PDE4D: variants seen among roughly 807,000 people sequenced by gnomAD.
PDE4D encodes the protein 3',5'-cyclic-AMP phosphodiesterase 4D.
PDE4D carries 24 observed loss-of-function variants against 87.4 expected under a neutral mutation model. That is an observed-to-expected ratio of 0.27 (90% CI 0.20 to 0.39). The LOEUF is 0.39. Ranked by LOEUF, PDE4D falls within the 10% of genes least tolerant of loss-of-function variation. The pLI is 1.00. For missense variants in PDE4D, 714 were observed against 1,041.0 expected, an observed-to-expected ratio of 0.69 and a Z score of 4.32; for synonymous variants, 384 against 383.2, an observed-to-expected ratio of 1.00 and a Z score of -0.02.
At chr5:60,105,167 A>C (rs976508259) in intron 2 of PDE4D, among the ~76,000 whole-genome samples, 4 of 152,262 alleles carry the variant, frequency 2.6e-5, no homozygotes, top group African/African-American at 9.6e-5. Flanking sequence ...AAGTCCTTAA[A>C]GGAGCTGATG....
At chr5:60,295,394 T>C (rs1309452811) in intron 1 of PDE4D, among the ~76,000 whole-genome samples, 1 of 152,224 alleles carries the variant, frequency 6.6e-6, no homozygotes, top group East Asian at 1.9e-4. Context: ...TGAATAGAGA[T>C]TTGAGAACAG....
chr5:59,760,338 A>T (rs1156911180), intron 1 of PDE4D, among the ~76,000 whole-genome samples: 1 of 152,202 alleles, frequency 6.6e-6, no homozygotes, highest in Non-Finnish European at 1.5e-5. Context: ...GCCTTTTGAA[A>T]GTCCACCTAA....
intron 1 of PDE4D, among the ~76,000 whole-genome samples, chr5:59,687,310 G>A (rs901604417): frequency 6.6e-6 from 1 of 152,140 alleles, no homozygotes; most frequent in Admixed American, 6.6e-5. Context: ...AGGAAAAAAT[G>A]TTAAGGGCAG....
chr5:59,449,749 G>T (rs1448314703), intron 1 of PDE4D, among the ~76,000 whole-genome samples: 1 of 151,954 alleles, frequency 6.6e-6, no homozygotes, highest in African/African-American at 2.4e-5. Flanking sequence ...ATATGGCAGG[G>T]TGTGTAATTA....
intron 2 of PDE4D, among the ~76,000 whole-genome samples, chr5:60,169,936 C>T (rs1337353605): frequency 1.3e-5 from 2 of 151,944 alleles, no homozygotes; most frequent in Non-Finnish European, 1.5e-5. Context: ...GCATTATCGA[C>T]ATGAAAAGCC....
intron 1 of PDE4D, among the ~76,000 whole-genome samples, chr5:59,451,672 C>G (rs1799177092): frequency 6.6e-6 from 1 of 152,228 alleles, no homozygotes; most frequent in Admixed American, 6.5e-5. Context: ...CTACCTCTAT[C>G]TCTCAGATAA....
In PDE4D at chr5:60,068,455, T is replaced by C. The variant is rs1257410208; in HGVS notation, c.43-79738A>G. Among the ~76,000 whole-genome samples, 4 of 152,036 alleles carry C rather than the reference T, an allele frequency of 2.6e-5. No individual in the cohort carries two copies. The East Asian group carries it at 7.7e-4, about 29-fold the overall frequency. ...TTATTTATTTTTCTCTCTCTTTTAT[T>C]TTAACTAATAACCTGAAGGGGTTTA... On this transcript the variant is annotated intron_variant, in intron 2 of 16. Transcript: ENST00000502484.
chr5:60,414,462 T>TATAC (rs1443114879), intron 1 of PDE4D, among the ~76,000 whole-genome samples: 29 of 152,278 alleles, frequency 1.9e-4, no homozygotes, highest in African/African-American at 7.0e-4. Flanking sequence ...AAAAGTTAAA[T>TATAC]ATACATACAC....
At chr5:60,225,488 A>G (rs1241753831) in intron 1 of PDE4D, among the ~76,000 whole-genome samples, 1 of 151,990 alleles carries the variant, frequency 6.6e-6, no homozygotes, top group Non-Finnish European at 1.5e-5. Flanking sequence ...TTGTTTCAAA[A>G]TATTTTCCTG....
chr5:59,153,717 G>A (rs575334120), intron 5 of PDE4D, among the ~76,000 whole-genome samples: 1 of 151,580 alleles, frequency 6.6e-6, no homozygotes, highest in East Asian at 2.0e-4. Context: ...ACTATGTGTG[G>A]TTATAACAAA....
chr5:59,943,032 A>G (rs1371066650), intron 3 of PDE4D, among the ~76,000 whole-genome samples: 2 of 152,140 alleles, frequency 1.3e-5, no homozygotes, highest in Non-Finnish European at 2.9e-5. Flanking sequence ...ACGTCAAGAG[A>G]AACCCTAACA....
intron 1 of PDE4D, among the ~76,000 whole-genome samples, chr5:59,277,289 T>A (rs1765003777): frequency 6.6e-6 from 1 of 152,176 alleles, no homozygotes; most frequent in Non-Finnish European, 1.5e-5. Context: ...CCTCTTACGG[T>A]AAATGCCAAT....
chr5:60,466,891 C>T (rs1231157243), intron 1 of PDE4D, among the ~76,000 whole-genome samples: 1 of 151,838 alleles, frequency 6.6e-6, no homozygotes, highest in Non-Finnish European at 1.5e-5. Flanking sequence ...CCAGCCCACC[C>T]CCACCCAGTA....
At chr5:59,184,488 G>GC (rs1742428930) in intron 4 of PDE4D, among the ~76,000 whole-genome samples, 1 of 150,958 alleles carries the variant, frequency 6.6e-6, no homozygotes, top group Non-Finnish European at 1.5e-5. Flanking sequence ...TGATTTAAAT[G>GC]TTTTTTTTCC....
At position 60,003,707 on chromosome 5, in the gene PDE4D, T is replaced by TAA. The variant is rs35100447; in HGVS notation, c.43-14992_43-14991dup. ...CTGGGCAACAGAGCGAGACTCCATC[T>TAA]AAAAAAAAAAAAAAAAAAAAGAAGA... On this transcript the variant is annotated intron_variant, in intron 2 of 16. Coordinates refer to the PDE4D transcript ENST00000502484. 1.7e-4 allele frequency among the ~76,000 whole-genome samples: 18 copies of TAA among 104,288 alleles called. No homozygotes were observed. The South Asian group carries it at 3.6e-3, about 21-fold the overall frequency. 68.4% of individuals were successfully genotyped at this position (104,288 alleles called of 152,430 possible).
chr5:59,915,786 A>T (rs542796940), intron 3 of PDE4D, among the ~76,000 whole-genome samples: 195 of 152,306 alleles, frequency 1.3e-3, no homozygotes, highest in African/African-American at 4.5e-3. Flanking sequence ...TTCTAAAGGT[A>T]ATTTTCATTT....
At chr5:59,704,404 C>A (rs1174625220) in intron 1 of PDE4D, among the ~76,000 whole-genome samples, 1 of 152,060 alleles carries the variant, frequency 6.6e-6, no homozygotes, top group Non-Finnish European at 1.5e-5. Flanking sequence ...ATGATGACAC[C>A]ATATCTCAAA....
chr5:59,507,662 C>T (rs1809504533), intron 1 of PDE4D, among the ~76,000 whole-genome samples: 1 of 36,302 alleles, frequency 2.8e-5, no homozygotes, highest in African/African-American at 2.1e-4. Context: ...AATACCCTGT[C>T]TCAAAAAAAA....
chr5:59,856,478 C>T (rs1329801698), intron 1 of PDE4D, among the ~76,000 whole-genome samples: 5 of 152,140 alleles, frequency 3.3e-5, no homozygotes, highest in African/African-American at 1.2e-4. Flanking sequence ...AAATAAATCT[C>T]GTAGTGATGA....
Sources: gnomAD v4.1 joint callset for allele counts (sites outside exome capture counted in the v4.1 genomes callset) on GRCh38, gnomAD v4.1.1 for gene constraint, MANE v1.5 for transcripts, NCBI Gene and HGNC (gene_info 2026-07-23, HGNC 2026-07-21) for gene names.